Variants in ADH7 observed in about 807,000 individuals in gnomAD.
ADH7 encodes alcohol dehydrogenase 7 (class IV), mu or sigma polypeptide.
A neutral mutation model predicts 34.4 loss-of-function variants in ADH7; 41 were observed. The observed-to-expected ratio is 1.19, with a 90% CI of 0.93 to 1.55. The LOEUF is 1.55. ADH7 is among the 40% of genes most tolerant of loss of function. The probability of loss-of-function intolerance (pLI) is 0.00; values close to 1 mark genes in which losing one functional copy is unlikely to be tolerated. For synonymous variants in ADH7, 180 were observed against 160.9 expected, an observed-to-expected ratio of 1.12 and a Z score of -0.90; for missense variants, 540 against 461.2, an observed-to-expected ratio of 1.17 and a Z score of -1.56.
chr4:99,421,664 A>G (rs1721666690), intron 5 of ADH7, among the ~76,000 whole-genome samples: 1 of 152,220 alleles, frequency 6.6e-6, no homozygotes, highest in South Asian at 2.1e-4. Flanking sequence ...ATCTAATTAA[A>G]CTAAAGAGCT....
At chr4:99,424,894 C>A (rs1721763006) in intron 5 of ADH7, among the ~76,000 whole-genome samples, 1 of 151,978 alleles carries the variant, frequency 6.6e-6, no homozygotes, top group South Asian at 2.1e-4. Flanking sequence ...TTGCCCTGGC[C>A]AGAACTTCCA....
rs530177049 is a variant in ADH7 at position 99,424,962 on chromosome 4, A to G, written c.564+2811T>C. On this transcript the variant is annotated intron_variant, in intron 5 of 8. Transcript: ENST00000437033. ...TATCCCTGTCTTGTGCCACTTTTCA[A>G]AGGGAATGCTTCCAGTTTTTGCCCA... 3.9e-5 allele frequency among the ~76,000 whole-genome samples: 6 copies of G among 152,204 alleles called. No homozygotes were observed. In the East Asian group the frequency reaches 1.2e-3, roughly 29 times the overall value.
Position 99,428,277 on chromosome 4 carries a change from T to G in ADH7, c.260-103A>C, listed in dbSNP as rs113686976. ...ATACTATAGGTAAAACTTTTAAAAATATATTCTAAGGTTTATAAACACCGT... is the reference window on the plus strand; with the variant it reads ...ATACTATAGGTAAAACTTTTAAAAAGATATTCTAAGGTTTATAAACACCGT... On this transcript the variant is annotated intron_variant, in intron 3 of 8. Transcript: ENST00000437033. The G allele has an allele frequency of 8.6e-4, 1,125 of 1,311,236 alleles. 11 individuals carry two copies. The African/African-American group carries it at 0.014, about 16-fold the overall frequency. 81.2% of individuals were successfully genotyped at this position (1,311,236 alleles called of 1,614,324 possible).
chr4:99,414,760 A>T (rs149354292), intron 8 of ADH7, among the ~76,000 whole-genome samples: 1 of 152,316 alleles, frequency 6.6e-6, no homozygotes, highest in East Asian at 1.9e-4. Flanking sequence ...CCTGGCTTAC[A>T]GGGATCTGAA....
chr4:99,420,617 G>T lies in ADH7; in HGVS notation c.741C>A (p.Thr247=), dbSNP rs1721627533. The change falls in exon 6 of 9, where the codon ACC becomes ACA. Residue 247 remains threonine (T), a synonymous_variant. Transcript: ENST00000437033. ...ATECISPKDS[T]KPISEVLSEM... Reference sequence around the variant, plus strand: ...CTGACAGCACCTCACTGATGGGTTTGGTAGAGTCCTTGGGACTGATACACT... The same window carrying T: ...CTGACAGCACCTCACTGATGGGTTTTGTAGAGTCCTTGGGACTGATACACT... The T allele has an allele frequency of 6.2e-7, 1 of 1,613,896 alleles. No homozygotes were observed. The highest frequency in any genetic ancestry group is 8.5e-7 in the Non-Finnish European group (1 of 1,179,902).
chr4:99,414,024 G>A (rs529289580), intron 8 of ADH7, among the ~76,000 whole-genome samples: 1 of 152,286 alleles, frequency 6.6e-6, no homozygotes, highest in East Asian at 1.9e-4. Flanking sequence ...AAATTGAAGA[G>A]TTTAGGTTTA....
At chr4:99,419,690 C>T (rs915211992) in intron 6 of ADH7, among the ~76,000 whole-genome samples, 1 of 152,040 alleles carries the variant, frequency 6.6e-6, no homozygotes, top group Non-Finnish European at 1.5e-5. Context: ...CAAGTAGCAA[C>T]TGGAAATCAG....
chr4:99,424,936 G>T (rs1487539726), intron 5 of ADH7, among the ~76,000 whole-genome samples: 3 of 152,004 alleles, frequency 2.0e-5, no homozygotes, highest in East Asian at 3.9e-4. Flanking sequence ...GTGAGAGAGG[G>T]TATCCCTGTC....
chr4:99,428,471 T>C (rs1478677900), intron 3 of ADH7, 21 bp downstream of exon 3: 2 of 1,602,724 alleles, frequency 1.2e-6, no homozygotes, highest in Admixed American at 3.5e-5. Flanking sequence ...TTCAAACTTG[T>C]GGTTTGACAC....
intron 5 of ADH7, among the ~76,000 whole-genome samples, chr4:99,426,800 A>G (rs1201760309): frequency 6.6e-6 from 1 of 152,210 alleles, no homozygotes; most frequent in East Asian, 1.9e-4. Flanking sequence ...ACATTGATGC[A>G]AAAATCCTCA....
intron 5 of ADH7, among the ~76,000 whole-genome samples, chr4:99,422,511 G>A (rs1329990114): frequency 3.3e-5 from 5 of 152,110 alleles, no homozygotes; most frequent in Non-Finnish European, 7.3e-5. Context: ...TAGGAGGTGG[G>A]GGGTGAGGGG....
chr4:99,423,830 T>C (rs1721730961), intron 5 of ADH7, among the ~76,000 whole-genome samples: 1 of 152,178 alleles, frequency 6.6e-6, no homozygotes, highest in African/African-American at 2.4e-5. Context: ...TTATAGGTTG[T>C]CTGTTCACTC....
Position 99,412,788 on chromosome 4 carries a change from A to T in ADH7, c.*360T>A, listed in dbSNP as rs897209683. 2 of 184,738 alleles carry T rather than the reference A, an allele frequency of 1.1e-5. No homozygotes were observed. The highest frequency in any genetic ancestry group is 4.7e-5 in the African/African-American group (2 of 42,682). The allele number at this position is 184,738 out of a possible 1,614,324, so 11.4% of individuals were successfully genotyped here. ...GAATATTACTCTAGGAGATGCATTTACTATATCTTTATACGCTATATCTGT... is the reference window on the plus strand; with the variant it reads ...GAATATTACTCTAGGAGATGCATTTTCTATATCTTTATACGCTATATCTGT... On this transcript the variant is annotated 3_prime_UTR_variant, in exon 9 of 9. Transcript: ENST00000437033.
rs754467193 is a variant in ADH7, at chr4:99,420,810, T to C, written c.565-17A>G. 3.7e-5 allele frequency: 59 copies of C among 1,612,522 alleles called. No individual in the cohort carries two copies. The highest frequency in any genetic ancestry group is 4.9e-5 in the Non-Finnish European group (58 of 1,179,024). On this transcript the variant is annotated splice_polypyrimidine_tract_variant and intron_variant, in intron 5 of 8. Coordinates refer to ENST00000437033, the MANE Select transcript of ADH7 (RefSeq NM_000673.7). The stretch of plus-strand genomic sequence containing the variant: ...AGGTTTGACCTGTGGAGAGGAATGT[T>C]CTTGAACATGTTAGGTGTTAGGGTC...
intron 5 of ADH7, among the ~76,000 whole-genome samples, chr4:99,425,009 G>T (rs905040067): frequency 1.3e-5 from 2 of 152,012 alleles, no homozygotes; most frequent in East Asian, 3.9e-4. Context: ...ATTGGCTGTG[G>T]ATTTGTCATA....
At chr4:99,427,681 T>C (rs541284643) in intron 5 of ADH7, 92 bp downstream of exon 5, 27 of 604,070 alleles carry the variant, frequency 4.5e-5, no homozygotes, top group Non-Finnish European at 6.0e-5. Flanking sequence ...CTTTTAAATG[T>C]TTTTTTTTTT....
chr4:99,425,316 T>C (rs1721773878), intron 5 of ADH7, among the ~76,000 whole-genome samples: 1 of 152,022 alleles, frequency 6.6e-6, no homozygotes, highest in African/African-American at 2.4e-5. Flanking sequence ...AGGAGACCCA[T>C]CTCACGTGCA....
intron 1 of ADH7, chr4:99,432,522 T>A (rs1051630213): frequency 2.6e-5 from 4 of 152,164 alleles, no homozygotes; most frequent in Admixed American, 2.6e-4. Context: ...ATTTTGTGTG[T>A]TGAGAAATAG....
At chr4:99,420,442 TG>T in intron 6 of ADH7, 90 bp downstream of exon 6, 1 of 1,341,238 alleles carries the variant, frequency 7.5e-7, no homozygotes, top group Non-Finnish European at 1.0e-6. Flanking sequence ...TTTCCATTAT[TG>T]ACTATTAATA....
Sources: allele counts gnomAD v4.1 joint callset (sites outside exome capture counted in the v4.1 genomes callset), GRCh38; gene constraint gnomAD v4.1.1; transcripts MANE v1.5; gene names NCBI Gene and HGNC (gene_info 2026-07-23, HGNC 2026-07-21).